Variants in HIVEP2 observed in about 807,000 individuals in gnomAD.
HIVEP2 encodes HIVEP zinc finger 2.
A neutral mutation model predicts 180.7 loss-of-function variants in HIVEP2; 14 were observed. The observed-to-expected ratio is 0.08, with a 90% CI of 0.05 to 0.12. HIVEP2 has a LOEUF of 0.12. Among genes scored for constraint, HIVEP2 ranks in the 10% least tolerant of loss-of-function variants. HIVEP2 has a pLI of 1.00. For synonymous variants in HIVEP2, 1,184 were observed against 1,136.4 expected, an observed-to-expected ratio of 1.04 and a Z score of -0.84; for missense variants, 2,579 against 3,008.5, an observed-to-expected ratio of 0.86 and a Z score of 3.34.
intron 2 of HIVEP2, among the ~76,000 whole-genome samples, chr6:142,811,838 T>A (rs1375801913): frequency 6.6e-6 from 1 of 152,346 alleles, no homozygotes; most frequent in African/African-American, 2.4e-5. Context: ...AAAGAGGTTC[T>A]GATTCAACCT....
At chr6:142,891,616 C>T (rs1344854382) in intron 1 of HIVEP2, among the ~76,000 whole-genome samples, 2 of 152,042 alleles carry the variant, frequency 1.3e-5, no homozygotes, top group Non-Finnish European at 2.9e-5. Flanking sequence ...GGCTATGGAT[C>T]GAGATCTACT....
chr6:142,933,664 T>C (rs906709076), intron 1 of HIVEP2, among the ~76,000 whole-genome samples: 11 of 152,308 alleles, frequency 7.2e-5, no homozygotes, highest in African/African-American at 2.4e-4. Flanking sequence ...CCACCAAACA[T>C]AGCCAAAAAC....
Position 142,772,409 on chromosome 6 carries a change from G to A in HIVEP2, c.2330C>T (p.Ser777Leu), listed in dbSNP as rs1327786377. 3.1e-6 allele frequency: 5 copies of A among 1,614,214 alleles called. No homozygotes were observed. Among genetic ancestry groups the A allele is most frequent in the Non-Finnish European group, 4.2e-6 (5 of 1,180,044 alleles). The change falls in exon 5 of 10, where the codon TCA becomes TTA. Residue 777 changes from serine to leucine, a missense_variant. Physicochemically the swap from Ser to Leu is moderately radical, Grantham distance 145 (BLOSUM62 -2). Coordinates refer to ENST00000367603, the MANE Select transcript of HIVEP2 (RefSeq NM_006734.4). This position sits in a 1 kb window ranked among gnomAD's most constrained non-coding sequence, Gnocchi z 4.9. ...PGSPSLVSEE[S>L]PSAIDSDKMS... is the part of the protein sequence containing the mutation. ...CTTGTCTGAATCAATGGCTGAAGGT[G>A]ACTCCTCTGACACAAGAGATGGACT...
In HIVEP2 at chr6:142,862,105, T is replaced by C. The variant is rs561920484; in HGVS notation, c.-640-25058A>G. ...TTGTTAAGACTCTATTATCAATCTT[T>C]TATACTGGAATCTGTTAGCAGCCCT... On this transcript the variant is annotated intron_variant, in intron 1 of 9. Transcript: ENST00000367603. Among the ~76,000 whole-genome samples, 112 of 152,310 alleles carry C rather than the reference T, an allele frequency of 7.4e-4. 1 individual carries two copies. In the South Asian group the frequency reaches 8.9e-3, roughly 12 times the overall value.
intron 1 of HIVEP2, among the ~76,000 whole-genome samples, chr6:142,888,853 A>G (rs925955103): frequency 6.6e-6 from 1 of 152,184 alleles, no homozygotes; most frequent in Non-Finnish European, 1.5e-5. Context: ...TCAGGGAAAT[A>G]AAATAACTAT....
rs569046131 is a variant in HIVEP2 at position 142,784,485 on chromosome 6, A to T, written c.-527-870T>A. ...CCCCCTCCTTTCTGCACACCACTGC[A>T]GTAGCACTTCAGGACACCCTGTGCA... On this transcript the variant is annotated intron_variant, in intron 2 of 9. Coordinates refer to ENST00000367603, the MANE Select transcript of HIVEP2 (RefSeq NM_006734.4). 3.9e-5 allele frequency among the ~76,000 whole-genome samples: 6 copies of T among 152,334 alleles called. No individual in the cohort carries two copies. The South Asian group carries it at 6.2e-4, about 16-fold the overall frequency.
chr6:142,834,432 A>G (rs916716511), intron 2 of HIVEP2, among the ~76,000 whole-genome samples: 1 of 152,176 alleles, frequency 6.6e-6, no homozygotes, highest in African/African-American at 2.4e-5. Flanking sequence ...TTTCAAGTTT[A>G]TGAGAGTCTT....
intron 2 of HIVEP2, among the ~76,000 whole-genome samples, chr6:142,812,950 C>T (rs1419825623): frequency 6.6e-6 from 1 of 152,076 alleles, no homozygotes; most frequent in African/African-American, 2.4e-5. Flanking sequence ...ATACTTGGCC[C>T]TACTTGAAGT....
intron 2 of HIVEP2, among the ~76,000 whole-genome samples, chr6:142,810,780 C>CA (rs1281361176): frequency 2.6e-5 from 3 of 116,222 alleles, no homozygotes; most frequent in Non-Finnish European, 5.7e-5. Context: ...AAAAAAAAAA[C>CA]AAAAAAAGAA....
At chr6:142,811,482 A>G (rs748783736) in intron 2 of HIVEP2, among the ~76,000 whole-genome samples, 7 of 151,918 alleles carry the variant, frequency 4.6e-5, no homozygotes, top group Non-Finnish European at 1.0e-4. Flanking sequence ...CTAAAATTTC[A>G]TGCATGTCAC....
chr6:142,760,945 A>G (rs1775216720), intron 8 of HIVEP2, among the ~76,000 whole-genome samples: 1 of 152,224 alleles, frequency 6.6e-6, no homozygotes, highest in Non-Finnish European at 1.5e-5. Flanking sequence ...AACCCTCAAC[A>G]AATGAGCATG....
At chr6:142,906,557 G>GA (rs1777268714) in intron 1 of HIVEP2, among the ~76,000 whole-genome samples, 1 of 151,896 alleles carries the variant, frequency 6.6e-6, no homozygotes, top group Non-Finnish European at 1.5e-5. Context: ...GAAGCAATTT[G>GA]AAAATGAGGA....
chr6:142,896,984 T>C (rs577626448), intron 1 of HIVEP2, among the ~76,000 whole-genome samples: 8 of 152,200 alleles, frequency 5.3e-5, no homozygotes, highest in Non-Finnish European at 8.8e-5. Context: ...TTCTCTTCTC[T>C]ACCTCCACAA....
At chr6:142,861,639 T>G (rs1043757728) in intron 1 of HIVEP2, among the ~76,000 whole-genome samples, 1 of 152,334 alleles carries the variant, frequency 6.6e-6, no homozygotes, top group East Asian at 1.9e-4. Context: ...CAAAAGAATC[T>G]GTTTGGGCTT....
intron 1 of HIVEP2, among the ~76,000 whole-genome samples, chr6:142,890,271 G>A (rs938619820): frequency 1.3e-5 from 2 of 152,210 alleles, no homozygotes; most frequent in Non-Finnish European, 2.9e-5. Flanking sequence ...GAGAAGATCA[G>A]ATAACAGAGT....
chr6:142,885,049 C>A (rs1776661716), intron 1 of HIVEP2, among the ~76,000 whole-genome samples: 1 of 152,164 alleles, frequency 6.6e-6, no homozygotes, highest in Admixed American at 6.5e-5. Flanking sequence ...AATTCAAAAT[C>A]TCTGTTTTTA....
At chr6:142,889,007 T>C (rs1776784183) in intron 1 of HIVEP2, among the ~76,000 whole-genome samples, 1 of 152,226 alleles carries the variant, frequency 6.6e-6, no homozygotes, top group Non-Finnish European at 1.5e-5. Context: ...TATCAGAGAT[T>C]ACACTATCAT....
At chr6:142,844,402 A>C (rs1265705489) in intron 1 of HIVEP2, among the ~76,000 whole-genome samples, 2 of 152,228 alleles carry the variant, frequency 1.3e-5, no homozygotes, top group African/African-American at 4.8e-5. Context: ...AAGTCAGGTC[A>C]GTAATCTCAC....
chr6:142,938,608 A>G (rs1213029020), intron 1 of HIVEP2, among the ~76,000 whole-genome samples: 1 of 152,222 alleles, frequency 6.6e-6, no homozygotes, highest in Admixed American at 6.5e-5. Flanking sequence ...TGATTTGTAT[A>G]TGTGTGTATG....
Sources: allele counts gnomAD v4.1 joint callset (sites outside exome capture counted in the v4.1 genomes callset), GRCh38; gene constraint gnomAD v4.1.1; non-coding constraint Gnocchi (gnomAD v3.1); transcripts MANE v1.5; gene names NCBI Gene and HGNC (gene_info 2026-07-23, HGNC 2026-07-21).